GATA4: variants seen among roughly 807,000 people sequenced by gnomAD.
GATA4 encodes the protein GATA binding protein 4.
In GATA4, 7 loss-of-function variants were observed where a neutral mutation model predicts 37.9. That is an observed-to-expected ratio of 0.18 (90% CI 0.11 to 0.35). The LOEUF is 0.35. GATA4 is among the 10% of genes least tolerant of loss of function. The probability of loss-of-function intolerance (pLI) is 1.00; values close to 1 mark genes in which losing one functional copy is unlikely to be tolerated. For missense variants in GATA4, 647 were observed against 653.0 expected, an observed-to-expected ratio of 0.99 and a Z score of 0.10; for synonymous variants, 372 against 292.6, an observed-to-expected ratio of 1.27 and a Z score of -2.77.
At chr8:11,756,728 C>G (rs1040958374) in intron 5 of GATA4, 2 of 637,344 alleles carry the variant, frequency 3.1e-6, no homozygotes, top group East Asian at 2.7e-5. Flanking sequence ...CTGAAACACA[C>G]GTGGCCTCAA....
rs148323795 is a variant in GATA4, at chr8:11,718,302, C to T, written c.616+9374C>T. On this transcript the variant is annotated intron_variant, in intron 2 of 6. Coordinates refer to ENST00000532059, the MANE Select transcript of GATA4 (RefSeq NM_001308093.3). The stretch of plus-strand genomic sequence containing the variant: ...CTGCTCTGTAATCAGAATTGAGCCA[C>T]GATATTCAAGTTTCTTATCTGAATG... 3.5e-4 allele frequency among the ~76,000 whole-genome samples: 53 copies of T among 152,280 alleles called. No homozygotes were observed. In the East Asian group the frequency reaches 4.8e-3, roughly 14 times the overall value.
intron 1 of GATA4, among the ~76,000 whole-genome samples, chr8:11,705,051 G>T (rs1214742706): frequency 6.6e-6 from 1 of 152,232 alleles, no homozygotes; most frequent in Non-Finnish European, 1.5e-5. Flanking sequence ...GGGCTCAGGG[G>T]TCACCGTGGG....
chr8:11,736,900 G>A (rs572229440), intron 2 of GATA4, among the ~76,000 whole-genome samples: 12 of 152,184 alleles, frequency 7.9e-5, no homozygotes, highest in Admixed American at 2.6e-4. Flanking sequence ...AATGTGTGCT[G>A]CCCAGGTCCA....
intron 1 of GATA4, chr8:11,692,778 C>T (rs1215146393): frequency 6.1e-6 from 6 of 982,466 alleles, no homozygotes; most frequent in East Asian, 1.1e-4. Context: ...GGAAGCGAGG[C>T]TGCCGAGGGG....
At chr8:11,746,361 G>A (rs533817222) in intron 2 of GATA4, among the ~76,000 whole-genome samples, 2 of 152,218 alleles carry the variant, frequency 1.3e-5, no homozygotes, top group Admixed American at 6.5e-5. Context: ...GAGTGAACCC[G>A]GTCTCTAAAG....
intron 2 of GATA4, among the ~76,000 whole-genome samples, chr8:11,728,889 A>G (rs1461787433): frequency 6.6e-6 from 1 of 152,226 alleles, no homozygotes; most frequent in Non-Finnish European, 1.5e-5. Flanking sequence ...GCACATTTAG[A>G]TAAGCACAGA....
intron 2 of GATA4, among the ~76,000 whole-genome samples, chr8:11,744,491 G>T (rs1801933971): frequency 6.6e-6 from 1 of 152,184 alleles, no homozygotes; most frequent in Non-Finnish European, 1.5e-5. Context: ...AATCACTCTT[G>T]CCCCCAGGGA....
At chr8:11,712,221 C>T (rs1800216651) in intron 2 of GATA4, among the ~76,000 whole-genome samples, 2 of 152,136 alleles carry the variant, frequency 1.3e-5, no homozygotes, top group African/African-American at 4.8e-5. Flanking sequence ...GCTGGTGTGC[C>T]CAGGACTGAG....
At chr8:11,696,247 C>G (rs775982177) in intron 1 of GATA4, among the ~76,000 whole-genome samples, 2 of 152,200 alleles carry the variant, frequency 1.3e-5, no homozygotes, top group African/African-American at 2.4e-5. Flanking sequence ...CAGCGCCCCT[C>G]CAAATTTCTT....
intron 2 of GATA4, among the ~76,000 whole-genome samples, chr8:11,723,603 G>T (rs138372119): frequency 1.3e-5 from 2 of 152,164 alleles, no homozygotes; most frequent in African/African-American, 2.4e-5. Context: ...GAGGAATGGC[G>T]TTTGGAGATC....
intron 2 of GATA4, among the ~76,000 whole-genome samples, chr8:11,730,723 G>C (rs926552304): frequency 6.6e-6 from 1 of 152,244 alleles, no homozygotes; most frequent in African/African-American, 2.4e-5. Context: ...CTGCTGCCCT[G>C]GCATTGTTTT....
In GATA4 at chr8:11,759,185, C is replaced by G. The variant is rs1350328623; in HGVS notation, c.*710C>G. ...ATCCCTCTTCCCGCTCTGAGCGATT[C>G]AGCTCTGCCCGCAGCTTGTACATGT... On this transcript the variant is annotated 3_prime_UTR_variant, in exon 7 of 7. Transcript: ENST00000532059. 1.9e-5 allele frequency: 3 copies of G among 156,698 alleles called. No homozygotes were observed. Among genetic ancestry groups the G allele is most frequent in the African/African-American group, 7.2e-5 (3 of 41,478 alleles). The allele number at this position is 156,698 out of a possible 1,614,324, so 9.7% of individuals were successfully genotyped here.
intron 1 of GATA4, among the ~76,000 whole-genome samples, chr8:11,685,287 G>C (rs1171660087): frequency 6.6e-6 from 1 of 152,250 alleles, no homozygotes; most frequent in East Asian, 1.9e-4. Context: ...AAAGAGAAGA[G>C]AGAAGACTAA....
intron 2 of GATA4, among the ~76,000 whole-genome samples, chr8:11,737,817 T>TA (rs2130245197): frequency 6.6e-6 from 1 of 152,316 alleles, no homozygotes; most frequent in South Asian, 2.1e-4. Flanking sequence ...AGCTTTAAAT[T>TA]AAAAATGTTA....
At chr8:11,750,003 C>T (rs576968707) in intron 3 of GATA4, 108 bp from the exon 4 acceptor site, 222 of 1,526,108 alleles carry the variant, frequency 1.5e-4, no homozygotes, top group Non-Finnish European at 1.9e-4. Context: ...TCGTTAGGGC[C>T]CAGCCCTGCC....
At chr8:11,701,533 T>A (rs1799676481), upstream of GATA4, among the ~76,000 whole-genome samples, 1 of 152,036 alleles carries the variant, frequency 6.6e-6, no homozygotes, top group African/African-American at 2.4e-5. Flanking sequence ...TGCTCCCCGC[T>A]CCTGGCAACG....
intron 1 of GATA4, chr8:11,697,618 C>A (rs1799544099): frequency 3.0e-6 from 3 of 985,300 alleles, no homozygotes; most frequent in Non-Finnish European, 1.2e-6. Flanking sequence ...GCCGGACGGC[C>A]GGGCCTCCGG....
upstream of GATA4, chr8:11,700,402 A>G (rs1036956481): frequency 3.9e-5 from 6 of 152,238 alleles, no homozygotes; most frequent in Non-Finnish European, 7.3e-5. Context: ...CTCTACGTCC[A>G]CTCCGTATCC....
At chr8:11,678,236 C>T (rs572414223) in intron 1 of GATA4, among the ~76,000 whole-genome samples, 9 of 152,134 alleles carry the variant, frequency 5.9e-5, no homozygotes, top group African/African-American at 9.6e-5. Flanking sequence ...ACCCAGCAAG[C>T]GCTCTTCTGG....
Sources: allele counts gnomAD v4.1 joint callset (sites outside exome capture counted in the v4.1 genomes callset), GRCh38; gene constraint gnomAD v4.1.1; transcripts MANE v1.5; gene names NCBI Gene and HGNC (gene_info 2026-07-23, HGNC 2026-07-21).